AGPAT5: variants seen among roughly 807,000 people sequenced by gnomAD.
The protein encoded by AGPAT5 is 1-acylglycerol-3-phosphate O-acyltransferase 5.
A neutral mutation model predicts 45.6 loss-of-function variants in AGPAT5; 46 were observed. The observed-to-expected ratio is 1.01, with a 90% CI of 0.80 to 1.29. The LOEUF (loss-of-function observed/expected upper bound fraction) is 1.29. AGPAT5 is among the 50% of genes most tolerant of loss of function. The pLI is 0.00. For missense variants in AGPAT5, 673 were observed against 450.7 expected (o/e 1.49, Z -4.47); for synonymous variants, 272 against 167.0 (o/e 1.63, Z -4.85).
intron 4 of AGPAT5, among the ~76,000 whole-genome samples, chr8:6,740,434 G>T (rs982216669): frequency 6.7e-6 from 1 of 149,914 alleles, no homozygotes. Flanking sequence ...TTTCTTAACA[G>T]ATCTGGTGAA....
chr8:6,738,059 C>T (rs1224644578), intron 4 of AGPAT5, among the ~76,000 whole-genome samples: 1 of 152,170 alleles, frequency 6.6e-6, no homozygotes, highest in East Asian at 1.9e-4. Context: ...GGCTGTTTTG[C>T]TTTCTAATCA....
At chr8:6,738,404 A>G (rs1801127841) in intron 4 of AGPAT5, 2 of 152,228 alleles carry the variant, frequency 1.3e-5, no homozygotes, top group Non-Finnish European at 2.9e-5. Flanking sequence ...CACGACATTT[A>G]TCAATTAAAT....
chr8:6,713,614 G>C (rs988279365), intron 1 of AGPAT5, among the ~76,000 whole-genome samples: 1 of 152,122 alleles, frequency 6.6e-6, no homozygotes, highest in Non-Finnish European at 1.5e-5. Flanking sequence ...AGGTGCAGTG[G>C]TGCAGTCTCC....
intron 6 of AGPAT5, among the ~76,000 whole-genome samples, chr8:6,750,337 C>G (rs1027665197): frequency 6.6e-6 from 1 of 152,246 alleles, no homozygotes; most frequent in East Asian, 1.9e-4. Flanking sequence ...TTATCCTCTG[C>G]TACATGTGAG....
rs779056908 is a variant in AGPAT5 at position 6,732,613 on chromosome 8, G to A, written c.458G>A (p.Arg153Gln). Residue 153 changes from arginine to glutamine, a missense_variant, in exon 4 of 8, where the codon CGA becomes CAA. Physicochemically the swap from Arg to Gln is conservative, Grantham distance 43 (BLOSUM62 1). Transcript: ENST00000285518. ...RSAKFNEKEM[R>Q]NKLQSYVDAG... ...GCCAAATTTAACGAGAAAGAGATGC[G>A]AAACAAGTTGCAGAGCTACGTGGAC... 41 of 1,610,930 alleles carry A rather than the reference G, an allele frequency of 2.5e-5. No individual in the cohort carries two copies. The highest frequency in any genetic ancestry group is 6.8e-5 in the Admixed American group (4 of 58,978).
At position 6,753,112 on chromosome 8, in the gene AGPAT5, A is replaced by T. The variant is rs372503907; in HGVS notation, c.746-1939A>T. 9.8e-5 allele frequency among the ~76,000 whole-genome samples: 15 copies of T among 152,350 alleles called. No homozygotes were observed. The East Asian group carries it at 1.5e-3, about 16-fold the overall frequency. ...ATACTCAAAAGCATGCCGTAAACAC[A>T]TTCTGAGCACATGTACGTTTTAGGA... On this transcript the variant is annotated intron_variant, in intron 6 of 7. Coordinates refer to ENST00000285518, the MANE Select transcript of AGPAT5 (RefSeq NM_018361.5).
At chr8:6,731,649 G>C (rs939553928) in intron 3 of AGPAT5, among the ~76,000 whole-genome samples, 1 of 151,838 alleles carries the variant, frequency 6.6e-6, no homozygotes, top group Non-Finnish European at 1.5e-5. Flanking sequence ...AAATGCAAAT[G>C]TACAAAGTTC....
At chr8:6,725,638 C>G (rs562703327) in intron 2 of AGPAT5, among the ~76,000 whole-genome samples, 1 of 152,134 alleles carries the variant, frequency 6.6e-6, no homozygotes, top group Non-Finnish European at 1.5e-5. Context: ...GGGTAAGGTA[C>G]TTTTTAATTC....
In AGPAT5 at chr8:6,749,976, C is replaced by T. The variant is rs184431140; in HGVS notation, c.745+2148C>T. Among the ~76,000 whole-genome samples the T allele has an allele frequency of 5.3e-5, 8 of 152,188 alleles. 1 individual carries two copies. Among genetic ancestry groups the T allele is most frequent in the African/African-American group, 1.7e-4 (7 of 41,438 alleles). Reference sequence around the variant, plus strand: ...CTGTGCTGTGCCGTGAAGCCTCGGCCGTGGTGAAGCTGGCTGACTGAGTCC... The same window carrying T: ...CTGTGCTGTGCCGTGAAGCCTCGGCTGTGGTGAAGCTGGCTGACTGAGTCC... On this transcript the variant is annotated intron_variant, in intron 6 of 7. Coordinates refer to ENST00000285518, the MANE Select transcript of AGPAT5 (RefSeq NM_018361.5).
intron 5 of AGPAT5, among the ~76,000 whole-genome samples, chr8:6,745,570 T>C (rs1328007064): frequency 1.3e-5 from 2 of 152,236 alleles, no homozygotes; most frequent in African/African-American, 4.8e-5. Flanking sequence ...ATTGTAGAAA[T>C]AAACAATGGA....
chr8:6,756,324 A>G (rs1052274722), intron 7 of AGPAT5, among the ~76,000 whole-genome samples: 8 of 152,106 alleles, frequency 5.3e-5, no homozygotes, highest in African/African-American at 1.9e-4. Context: ...GCACAGACCA[A>G]AAATACTCAG....
At chr8:6,730,089 TTCTC>T (rs1418991228) in intron 2 of AGPAT5, among the ~76,000 whole-genome samples, 6 of 151,980 alleles carry the variant, frequency 3.9e-5, no homozygotes, top group Non-Finnish European at 8.8e-5. Flanking sequence ...AATTTCCCCT[TTCTC>T]ATTAAAAAAA....
rs1220729809 is a variant in AGPAT5 at position 6,708,881 on chromosome 8, G to A, written c.213G>A (p.Gly71=). 8.1e-6 allele frequency: 13 copies of A among 1,602,222 alleles called. No homozygotes were observed. In the Admixed American group the frequency reaches 2.2e-4, roughly 27 times the overall value. Residue 71 remains glycine (G), a synonymous_variant, in exon 1 of 8, where the codon GGG becomes GGA. Transcript: ENST00000285518. ...TCTTCTTCTTCGAGAATTACACCGG[G>A]GTCCAGGTGAGCCGCCTCCCGCTCC... ...MVLFFFENYT[G]VQILLYGDLP...
chr8:6,741,948 C>T (rs969420495), intron 5 of AGPAT5, among the ~76,000 whole-genome samples, 197 bp downstream of exon 5: 1 of 152,074 alleles, frequency 6.6e-6, no homozygotes, highest in Non-Finnish European at 1.5e-5. Context: ...TTACATATAT[C>T]TGAGAAATTA....
rs1272341044 is a variant in AGPAT5 at position 6,759,029 on chromosome 8, T to C, written c.*1641T>C. 2.0e-5 allele frequency: 3 copies of C among 152,214 alleles called. No homozygotes were observed. The highest frequency in any genetic ancestry group is 7.2e-5 in the African/African-American group (3 of 41,442). The allele number at this position is 152,214 out of a possible 1,614,324, so 9.4% of individuals were successfully genotyped here. A position where few individuals can be genotyped will look rare whatever the true frequency, so the allele number is the denominator to read the frequency against. ...TCTTTGAAGAGTCGTGTGGTGTGAATTGGTTTGTGTACATTAGAATGTATG... is the reference window on the plus strand; with the variant it reads ...TCTTTGAAGAGTCGTGTGGTGTGAACTGGTTTGTGTACATTAGAATGTATG... On this transcript the variant is annotated 3_prime_UTR_variant, in exon 8 of 8. Transcript: ENST00000285518.
rs1355450372 is a variant in AGPAT5, at chr8:6,730,488, G to A, written c.290-223G>A. ...TGGGACTACAGGCGCCCGCCACCTC[G>A]CCCGGCTAATTTTTTGTATTTTTAG... On this transcript the variant is annotated intron_variant, in intron 2 of 7. Transcript: ENST00000285518. Among the ~76,000 whole-genome samples the A allele has an allele frequency of 4.0e-5, 2 of 49,458 alleles. 1 individual carries two copies. Among genetic ancestry groups the A allele is most frequent in the Non-Finnish European group, 6.3e-5 (2 of 31,800 alleles). The allele number at this position is 49,458 out of a possible 152,430, so 32.4% of individuals were successfully genotyped here. A position where few individuals can be genotyped will look rare whatever the true frequency, so the allele number is the denominator to read the frequency against.
rs959726274 is a variant in AGPAT5 at position 6,760,249 on chromosome 8, C to G, written c.*2861C>G. On this transcript the variant is annotated 3_prime_UTR_variant, in exon 8 of 8. Transcript: ENST00000285518. ...TACAAAAAAATTAAAAAAAATTAGC[C>G]AGGCATGGTGGCGTACACTGAGTAG... Among the ~76,000 whole-genome samples, 2 of 151,960 alleles carry G rather than the reference C, an allele frequency of 1.3e-5. No homozygotes were observed. Among genetic ancestry groups the G allele is most frequent in the Non-Finnish European group, 1.5e-5 (1 of 68,004 alleles).
At chr8:6,729,303 T>C (rs950054158) in intron 2 of AGPAT5, among the ~76,000 whole-genome samples, 1 of 152,044 alleles carries the variant, frequency 6.6e-6, no homozygotes, top group African/African-American at 2.4e-5. Context: ...GCTAAAACTT[T>C]ATTGTAATTC....
chr8:6,753,270 A>C (rs906054535), intron 6 of AGPAT5, among the ~76,000 whole-genome samples: 1 of 152,146 alleles, frequency 6.6e-6, no homozygotes, highest in Admixed American at 6.5e-5. Context: ...TCTATTTCTG[A>C]CATTCGAAAT....
Sources: allele counts gnomAD v4.1 joint callset (sites outside exome capture counted in the v4.1 genomes callset), GRCh38; gene constraint gnomAD v4.1.1; transcripts MANE v1.5; gene names NCBI Gene and HGNC (gene_info 2026-07-23, HGNC 2026-07-21).